RNF32: variants seen among roughly 807,000 people sequenced by gnomAD.
RNF32 encodes ring finger protein 32.
In RNF32, 36 loss-of-function variants were observed where a neutral mutation model predicts 41.0. The observed-to-expected ratio is 0.88, with a 90% CI of 0.67 to 1.16. RNF32 has a LOEUF of 1.16. Ranked by LOEUF, RNF32 falls within the 50% of genes most tolerant of loss-of-function variation. The pLI is 0.00. For missense variants in RNF32, 413 were observed against 436.7 expected, an observed-to-expected ratio of 0.95 and a Z score of 0.48; for synonymous variants, 154 against 160.9, an observed-to-expected ratio of 0.96 and a Z score of 0.32.
At chr7:156,666,357 T>C (rs1228168051) in intron 7 of RNF32, among the ~76,000 whole-genome samples, 2 of 152,220 alleles carry the variant, frequency 1.3e-5, no homozygotes, top group Admixed American at 6.5e-5. Flanking sequence ...TTTGGGTGTG[T>C]TGACGAGTGA....
intron 1 of RNF32, 126 bp from the exon 2 acceptor site, chr7:156,643,675 G>A (rs1797651698): frequency 1.7e-6 from 1 of 603,754 alleles, no homozygotes; most frequent in Non-Finnish European, 3.0e-6. Context: ...GTGTAGCTTA[G>A]TGCCACCCTG....
In RNF32 at chr7:156,643,981, C is replaced by T. The variant is rs754037455; in HGVS notation, c.15+89C>T. 108 of 1,180,358 alleles carry T rather than the reference C, an allele frequency of 9.1e-5. 5 individuals are homozygous for T. Among genetic ancestry groups the T allele is most frequent in the Admixed American group, 5.7e-4 (32 of 56,358 alleles). 73.1% of individuals were successfully genotyped at this position (1,180,358 alleles called of 1,614,324 possible). On this transcript the variant is annotated intron_variant, in intron 2 of 8. Transcript: ENST00000317955. ...ATTTGAGAGTATAAAAACTAGTTTGCAAACCCTGCTTGAACTAGGAATTGT... is the reference window on the plus strand; with the variant it reads ...ATTTGAGAGTATAAAAACTAGTTTGTAAACCCTGCTTGAACTAGGAATTGT...
At position 156,658,561 on chromosome 7, in the gene RNF32, T is replaced by C. The variant is rs1221339094; in HGVS notation, c.675T>C (p.Phe225=). The change falls in exon 7 of 9, where the codon TTT becomes TTC. Residue 225 remains phenylalanine, a synonymous_variant. Transcript: ENST00000317955. ...PTDAKLRKKF[F]EKKFTEISHR... The stretch of plus-strand genomic sequence containing the variant: ...ATGCCAAGTTAAGAAAAAAATTCTT[T>C]GAAAAAAAGGTAGGTAAAGATCATT... The C allele has an allele frequency of 1.9e-6, 3 of 1,605,974 alleles. No individual in the cohort carries two copies. In the East Asian group the frequency reaches 6.7e-5, roughly 36 times the overall value.
intron 1 of RNF32, 74 bp downstream of exon 1, chr7:156,640,885 T>G: frequency 5.3e-6 from 1 of 189,832 alleles, no homozygotes; most frequent in Non-Finnish European, 1.1e-5. Flanking sequence ...GGATTCGGGG[T>G]GAGGGCCGTC....
rs113959176 is a variant in RNF32, at chr7:156,655,421, T to C, written c.417+703T>C. On this transcript the variant is annotated intron_variant, in intron 4 of 8. Transcript: ENST00000317955. ...AAGTGTGTGTGTGCGTGCACGTGCG[T>C]GCGTGGTTGCCCTGTAACAATTTCC... 2.9e-3 allele frequency among the ~76,000 whole-genome samples: 444 copies of C among 152,348 alleles called. 2 individuals are homozygous for C. The highest frequency in any genetic ancestry group is 0.01 in the African/African-American group (436 of 41,572).
At chr7:156,651,210 T>TA (rs1477693169) in intron 3 of RNF32, among the ~76,000 whole-genome samples, 1 of 148,140 alleles carries the variant, frequency 6.8e-6, no homozygotes, top group African/African-American at 2.5e-5. Flanking sequence ...TTATTTTTAA[T>TA]ATTTCTTTTT....
intron 7 of RNF32, among the ~76,000 whole-genome samples, chr7:156,660,787 CAAG>C (rs1800531691): frequency 6.6e-6 from 1 of 152,208 alleles, no homozygotes. Flanking sequence ...AACCCACTCT[CAAG>C]GAGTCCTGAG....
intron 2 of RNF32, 39 bp downstream of exon 2, chr7:156,643,931 T>G: frequency 1.3e-6 from 2 of 1,545,796 alleles, no homozygotes; most frequent in South Asian, 2.2e-5. Flanking sequence ...GTTATTTGAC[T>G]CATGAAATGT....
chr7:156,643,101 G>T (rs1473937868), intron 1 of RNF32: 1 of 152,218 alleles, frequency 6.6e-6, no homozygotes, highest in East Asian at 1.9e-4. Flanking sequence ...AGTTCTGTGT[G>T]AAAAGACCTA....
chr7:156,655,238 C>T (rs934658769), intron 4 of RNF32, among the ~76,000 whole-genome samples: 17 of 148,190 alleles, frequency 1.1e-4, no homozygotes, highest in African/African-American at 3.0e-4. Context: ...TACACGCGCG[C>T]GCACACACAC....
In RNF32 at chr7:156,676,471, C is replaced by A. The variant is rs767528882; in HGVS notation, c.905C>A (p.Ala302Asp). The A allele has an allele frequency of 5.0e-6, 8 of 1,614,106 alleles. No homozygotes were observed. Among genetic ancestry groups the A allele is most frequent in the Non-Finnish European group, 5.9e-6 (7 of 1,179,966 alleles). Reference sequence around the variant, plus strand: ...TCCATCTGCCTGGCCCCTCTCTCCGCTGCTGGCGGTCAGCGCGTGGGTGCA... The same window carrying A: ...TCCATCTGCCTGGCCCCTCTCTCCGATGCTGGCGGTCAGCGCGTGGGTGCA... ...ECSICLAPLS[A>D]AGGQRVGAGR... The change falls in exon 9 of 9, where the codon GCT (alanine) becomes GAT (aspartate). Residue 302 changes from alanine (A) to aspartate (D), a missense_variant. Physicochemically the swap from Ala to Asp is moderately radical, Grantham distance 126 (BLOSUM62 -2). Coordinates refer to ENST00000317955, the MANE Select transcript of RNF32 (RefSeq NM_030936.4).
intron 7 of RNF32, among the ~76,000 whole-genome samples, chr7:156,663,846 T>G (rs972290118): frequency 2.0e-5 from 3 of 152,222 alleles, no homozygotes; most frequent in African/African-American, 7.2e-5. Flanking sequence ...ATTGGGAAAT[T>G]GAGTTCATTC....
intron 3 of RNF32, among the ~76,000 whole-genome samples, chr7:156,647,995 C>G (rs977364152): frequency 6.6e-6 from 1 of 150,380 alleles, no homozygotes; most frequent in Admixed American, 6.6e-5. Context: ...AATATCTGTT[C>G]GTATCATTTG....
intron 3 of RNF32, chr7:156,654,365 C>A: frequency 2.1e-6 from 1 of 472,324 alleles, no homozygotes; most frequent in Non-Finnish European, 3.8e-6. Context: ...TGCAAATACT[C>A]CACCATCTTC....
chr7:156,673,107 TC>T (rs1449489808), intron 7 of RNF32, among the ~76,000 whole-genome samples: 1 of 152,254 alleles, frequency 6.6e-6, no homozygotes, highest in Non-Finnish European at 1.5e-5. Context: ...ATCATTTCAT[TC>T]AATTGATCAG....
At chr7:156,675,335 A>G (rs1803619010) in intron 7 of RNF32, among the ~76,000 whole-genome samples, 1 of 152,194 alleles carries the variant, frequency 6.6e-6, no homozygotes, top group South Asian at 2.1e-4. Context: ...TGCCTCTCAC[A>G]GGAGGGTCCT....
chr7:156,649,089 A>G (rs1798361750), intron 3 of RNF32, among the ~76,000 whole-genome samples: 1 of 151,588 alleles, frequency 6.6e-6, no homozygotes, highest in Non-Finnish European at 1.5e-5. Flanking sequence ...CTATGTCAGT[A>G]TTGCACTGTT....
chr7:156,675,836 A>G lies in RNF32; in HGVS notation c.825A>G (p.Glu275=), dbSNP rs376318219. The G allele has an allele frequency of 1.9e-6, 3 of 1,613,924 alleles. No homozygotes were observed. The highest frequency in any genetic ancestry group is 3.3e-5 in the Admixed American group (2 of 60,004). ...AAAAATGTGGCCATGAGATCACAGA[A>G]GAGGAATGGGAGAAAATCCAAGTGC... ...LEEKCGHEIT[E]EEWEKIQVQA... Residue 275 remains glutamate, a synonymous_variant, in exon 8 of 9, where the codon GAA becomes GAG. Transcript: ENST00000317955.
At chr7:156,656,394 A>G (rs1267362703) in intron 4 of RNF32, among the ~76,000 whole-genome samples, 6 of 152,232 alleles carry the variant, frequency 3.9e-5, no homozygotes, top group African/African-American at 1.2e-4. Context: ...ATATAGATAG[A>G]ATATATGTTG....
Sources: allele counts gnomAD v4.1 joint callset (sites outside exome capture counted in the v4.1 genomes callset), GRCh38; gene constraint gnomAD v4.1.1; transcripts MANE v1.5; gene names NCBI Gene and HGNC (gene_info 2026-07-23, HGNC 2026-07-21).